The following ZNF34 variants were observed in gnomAD, a reference collection of about 807,000 sequenced individuals.
ZNF34 encodes the protein zinc finger protein 34 (KOX 32).
ZNF34 carries 8 observed loss-of-function variants against 14.4 expected under a neutral mutation model. That is an observed-to-expected ratio of 0.55 (90% CI 0.33 to 1.00). ZNF34 has a LOEUF of 1.00. ZNF34 is among the 50% of genes least tolerant of loss of function. The pLI, the probability that ZNF34 is intolerant of heterozygous loss-of-function variation, is 0.03. For synonymous variants in ZNF34, 235 were observed against 247.9 expected (o/e 0.95, Z 0.49); for missense variants, 538 against 674.2 (o/e 0.80, Z 2.24).
intron 1 of ZNF34, among the ~76,000 whole-genome samples, chr8:144,780,738 G>A (rs1438595967): frequency 2.0e-5 from 3 of 152,024 alleles, no homozygotes; most frequent in East Asian, 1.9e-4. Context: ...GTAGTGAGCC[G>A]AGATCGCGCC....
chr8:144,786,749 G>T (rs1158323546), intron 1 of ZNF34, among the ~76,000 whole-genome samples: 2 of 151,974 alleles, frequency 1.3e-5, no homozygotes, highest in African/African-American at 4.8e-5. Context: ...GCCTTGGAGC[G>T]CCAGAAGCGA....
chr8:144,774,603 G>A lies in ZNF34; in HGVS notation c.283C>T (p.Leu95Phe), dbSNP rs767001129. Residue 95 changes from leucine to phenylalanine, a missense_variant and splice_region_variant, in exon 6 of 6, where the codon CTT becomes TTT. Transcript: ENST00000429371. ...TCCTTGTACTCAGTTCTGGTCCCAA[G>A]AGCTGAAACAAAAAACAGAACATCT... The part of the protein sequence containing the change: ...KEHLRVNSPA[L>F]GTRTEYKELT... The A allele has an allele frequency of 3.5e-5, 56 of 1,605,676 alleles. No homozygotes were observed. In the Middle Eastern group the frequency reaches 5.0e-4, roughly 14 times the overall value.
chr8:144,778,678 A>G (rs2130255434), intron 2 of ZNF34, among the ~76,000 whole-genome samples, 153 bp from the exon 3 acceptor site: 1 of 149,328 alleles, frequency 6.7e-6, no homozygotes, highest in South Asian at 2.1e-4. Context: ...TCCCGGACAT[A>G]GACTCCACTC....
rs780048744 is a variant in ZNF34 at position 144,773,515 on chromosome 8, G to A, written c.1371C>T (p.Ser457=). 4.3e-6 allele frequency: 7 copies of A among 1,613,900 alleles called. No homozygotes were observed. The Admixed American group carries it at 6.7e-5, about 15-fold the overall frequency. The part of the protein sequence containing the change: ...IHTGEKPYKC[S]ECGKAFHNSS... ...TGTTGTGGAAGGCCTTCCCACACTC[G>A]CTGCACTTGTAGGGCTTCTCTCCTG... The change falls in exon 6 of 6, where the codon AGC becomes AGT. Residue 457 remains serine, a synonymous_variant. Coordinates refer to ENST00000429371, the MANE Select transcript of ZNF34 (RefSeq NM_001286769.2). The surrounding 1 kb of genome is among the most constrained non-coding windows in gnomAD (Gnocchi z 5.4).
Position 144,780,231 on chromosome 8 carries a change from C to T in ZNF34, c.-58G>A, listed in dbSNP as rs774468539. ...AAGTAAAATAAGATTGACTCACCTA[C>T]CAGAAGCATGAGACTCTCGGATTAG... On this transcript the variant is annotated 5_prime_UTR_variant, in exon 2 of 6. Coordinates refer to ENST00000429371, the MANE Select transcript of ZNF34 (RefSeq NM_001286769.2). 3.5e-5 allele frequency: 54 copies of T among 1,549,098 alleles called. No individual in the cohort carries two copies. The highest frequency in any genetic ancestry group is 4.7e-5 in the Non-Finnish European group (54 of 1,145,224).
intron 1 of ZNF34, among the ~76,000 whole-genome samples, chr8:144,782,318 C>CACAAA (rs141485254): frequency 0.029 from 4,452 of 151,304 alleles, 107 homozygotes; most frequent in Non-Finnish European, 0.043. Context: ...GAGACTCCGA[C>CACAAA]ACAAAACAAA....
intron 1 of ZNF34, among the ~76,000 whole-genome samples, chr8:144,786,936 G>A (rs1480603026): frequency 6.6e-6 from 1 of 152,040 alleles, no homozygotes; most frequent in Non-Finnish European, 1.5e-5. Context: ...GGGAAGCCTC[G>A]GGCCGCTGGG....
chr8:144,786,837 G>A (rs1826274215), intron 1 of ZNF34, among the ~76,000 whole-genome samples: 2 of 152,002 alleles, frequency 1.3e-5, no homozygotes, highest in Admixed American at 1.3e-4. Flanking sequence ...AGGAGGGGCG[G>A]CATTCGCAGA....
chr8:144,785,256 A>G (rs2130332455), intron 1 of ZNF34: 1 of 152,354 alleles, frequency 6.6e-6, no homozygotes, highest in East Asian at 1.9e-4. Context: ...TTTTTAAATT[A>G]GAAAAATGTC....
rs958102616 is a variant in ZNF34 at position 144,779,019 on chromosome 8, G to A, written c.-54-494C>T. On this transcript the variant is annotated intron_variant, in intron 2 of 5. Coordinates refer to ENST00000429371, the MANE Select transcript of ZNF34 (RefSeq NM_001286769.2). The surrounding 1 kb of genome is among the most constrained non-coding windows in gnomAD (Gnocchi z 4.1). ...ACACCAAGCTCTGTGCCAAAGGGGG[G>A]AAGGCTGCCCTGCCGCTCCATAATC... Among the ~76,000 whole-genome samples, 2 of 152,134 alleles carry A rather than the reference G, an allele frequency of 1.3e-5. No individual in the cohort carries two copies. The highest frequency in any genetic ancestry group is 2.4e-5 in the African/African-American group (1 of 41,428).
At chr8:144,778,583 A>C in intron 2 of ZNF34, 58 bp from the exon 3 acceptor site, 2 of 1,383,356 alleles carry the variant, frequency 1.4e-6, no homozygotes, top group Non-Finnish European at 1.9e-6. Flanking sequence ...TCCACAGCTC[A>C]GGCTACTTGG....
chr8:144,785,838 T>G (rs1218752649), intron 1 of ZNF34, among the ~76,000 whole-genome samples: 1 of 151,968 alleles, frequency 6.6e-6, no homozygotes, highest in Admixed American at 6.6e-5. Context: ...TGTTACCATG[T>G]GCCTGTGTAG....
rs758823566 is a variant in ZNF34, at chr8:144,774,085, G to A, written c.801C>T (p.Phe267=). 18 of 1,614,008 alleles carry A rather than the reference G, an allele frequency of 1.1e-5. No homozygotes were observed. The highest frequency in any genetic ancestry group is 1.5e-5 in the Non-Finnish European group (18 of 1,180,010). Residue 267 remains phenylalanine, a synonymous_variant, in exon 6 of 6, where the codon TTC becomes TTT. Coordinates refer to ENST00000429371, the MANE Select transcript of ZNF34 (RefSeq NM_001286769.2). The part of the protein sequence containing the change: ...PYKCDECGKA[F]SQSCEFINHR... Reference sequence around the variant, plus strand: ...GATTGATGAACTCGCAGCTCTGGCTGAAGGCTTTCCCACACTCATCACATT... The same window carrying A: ...GATTGATGAACTCGCAGCTCTGGCTAAAGGCTTTCCCACACTCATCACATT...
chr8:144,783,963 C>T (rs576281152), intron 1 of ZNF34, among the ~76,000 whole-genome samples: 1 of 151,884 alleles, frequency 6.6e-6, no homozygotes, highest in Non-Finnish European at 1.5e-5. Flanking sequence ...AGATCGAGAC[C>T]ATCCTGGCTA....
intron 5 of ZNF34, among the ~76,000 whole-genome samples, chr8:144,775,511 G>T (rs141824536): frequency 1.9e-3 from 286 of 152,298 alleles, no homozygotes; most frequent in Admixed American, 3.2e-3. Context: ...GTTGTGGTGT[G>T]TTCATACAAT....
intron 1 of ZNF34, among the ~76,000 whole-genome samples, chr8:144,781,447 G>A (rs954607337): frequency 9.2e-5 from 14 of 151,628 alleles, no homozygotes; most frequent in Non-Finnish European, 1.6e-4. Context: ...TAGTAGAGAC[G>A]GAGTTTCACC....
At chr8:144,782,783 A>G (rs2954654) in intron 1 of ZNF34, among the ~76,000 whole-genome samples, 85,054 of 143,380 alleles carry the variant, frequency 0.59, 26,347 homozygotes, top group African/African-American at 0.78. Context: ...GCTGCAGTGA[A>G]TCAAGATCGT....
chr8:144,781,134 C>CAAATAAATAAATAAAT (rs143853733), intron 1 of ZNF34, among the ~76,000 whole-genome samples: 2,022 of 140,354 alleles, frequency 0.014, 34 homozygotes, highest in East Asian at 0.053. Context: ...GACTCCATCT[C>CAAATAAATAAATAAAT]AAATAAATAA....
chr8:144,784,508 C>T (rs1826104593), intron 1 of ZNF34, among the ~76,000 whole-genome samples: 1 of 149,334 alleles, frequency 6.7e-6, no homozygotes, highest in African/African-American at 2.5e-5. Context: ...GCCTGTAATC[C>T]CAGCACTTTG....
Sources: allele counts gnomAD v4.1 joint callset (sites outside exome capture counted in the v4.1 genomes callset), GRCh38; gene constraint gnomAD v4.1.1; non-coding constraint Gnocchi (gnomAD v3.1); transcripts MANE v1.5; gene names NCBI Gene and HGNC (gene_info 2026-07-23, HGNC 2026-07-21).